LRRIQ1: variants seen among roughly 807,000 people sequenced by gnomAD.
LRRIQ1 encodes the protein leucine-rich repeat- and IQ domain-containing protein 1.
LRRIQ1 carries 210 observed loss-of-function variants against 211.9 expected under a neutral mutation model. The observed-to-expected ratio is 0.99, with a 90% confidence interval of 0.89 to 1.11. LRRIQ1 has a LOEUF of 1.11. Ranked by LOEUF, LRRIQ1 falls within the 50% of genes most tolerant of loss-of-function variation. LRRIQ1 has a pLI of 0.00. For missense variants in LRRIQ1, 2,136 were observed against 1,939.5 expected (o/e 1.10, Z -1.90); for synonymous variants, 699 against 650.1 (o/e 1.08, Z -1.14).
At chr12:85,122,575 A>G (rs552677049) in intron 16 of LRRIQ1, among the ~76,000 whole-genome samples, 1 of 152,268 alleles carries the variant, frequency 6.6e-6, no homozygotes, top group East Asian at 1.9e-4. Context: ...CTTCATTGCA[A>G]TTGGAAAAAT....
Position 85,055,924 on chromosome 12 carries a change from A to G in LRRIQ1, c.1131A>G (p.Gln377=). Residue 377 remains glutamine (Q), a synonymous_variant, in exon 8 of 27, where the codon CAA becomes CAG. Transcript: ENST00000393217. The stretch of plus-strand genomic sequence containing the variant: ...ATATTGTGAAACAGGAAAGAGAGCA[A>G]CTAATAAGCAAGGAAAAAATAATAT... The part of the protein sequence containing the change: ...KKNIVKQERE[Q]LISKEKIILR... 1 of 1,605,406 alleles carries G rather than the reference A, an allele frequency of 6.2e-7. No homozygotes were observed. Among genetic ancestry groups the G allele is most frequent in the South Asian group, 1.1e-5 (1 of 88,484 alleles).
At chr12:85,195,802 C>G (rs372862877) in intron 24 of LRRIQ1, among the ~76,000 whole-genome samples, 1 of 152,094 alleles carries the variant, frequency 6.6e-6, no homozygotes, top group Non-Finnish European at 1.5e-5. Context: ...TCCTATTCAA[C>G]GTAGTGTTGG....
intron 23 of LRRIQ1, among the ~76,000 whole-genome samples, chr12:85,157,329 A>C (rs551566485): frequency 2.4e-4 from 36 of 151,850 alleles, no homozygotes; most frequent in Non-Finnish European, 4.4e-4. Context: ...TGAAAGCTAC[A>C]CGGTAAAATC....
At position 85,250,930 on chromosome 12, in the gene LRRIQ1, T is replaced by G. The variant is rs1364935018; in HGVS notation, c.121+6021T>G. Among the ~76,000 whole-genome samples the G allele has an allele frequency of 1.8e-3, 197 of 107,272 alleles. 18 individuals carry two copies. The highest frequency in any genetic ancestry group is 7.3e-3 in the African/African-American group (188 of 25,926). The allele number at this position is 107,272 out of a possible 152,430, so 70.4% of individuals were successfully genotyped here. The stretch of plus-strand genomic sequence containing the variant: ...TATATAATATATTTTATATATTATA[T>G]ATTATATATAATATATTTTATATAT... On this transcript the variant is annotated intron_variant, in intron 1 of 1. Transcript: ENST00000602731.
chr12:85,171,897 T>G (rs537155053), intron 24 of LRRIQ1, among the ~76,000 whole-genome samples: 93 of 152,200 alleles, frequency 6.1e-4, no homozygotes, highest in Middle Eastern at 3.4e-3. Context: ...TGTGAGCAAA[T>G]AAATTTCTGT....
At chr12:85,246,734 T>G (rs1444936640), downstream of LRRIQ1, among the ~76,000 whole-genome samples, 1 of 151,546 alleles carries the variant, frequency 6.6e-6, no homozygotes, top group Non-Finnish European at 1.5e-5. Context: ...TACTAATCTC[T>G]GAATGTGTTA....
At chr12:85,091,391 T>C (rs1885374983) in intron 11 of LRRIQ1, among the ~76,000 whole-genome samples, 1 of 152,204 alleles carries the variant, frequency 6.6e-6, no homozygotes, top group Non-Finnish European at 1.5e-5. Context: ...AGATTCTGTA[T>C]TTTAGACCTT....
Position 85,207,577 on chromosome 12 carries a change from G to T in LRRIQ1, c.4823-21940G>T, listed in dbSNP as rs533409904. ...TTTCATGGATTGTGCCCTTGATGTT[G>T]TATCTAAAAAGTTATCACCAAACCC... On this transcript the variant is annotated intron_variant, in intron 24 of 26. Transcript: ENST00000393217. 1.6e-4 allele frequency among the ~76,000 whole-genome samples: 25 copies of T among 152,074 alleles called. No homozygotes were observed. In the South Asian group the frequency reaches 2.9e-3, roughly 18 times the overall value.
At chr12:85,124,681 G>A in intron 17 of LRRIQ1, 162 bp downstream of exon 17, 2 of 599,316 alleles carry the variant, frequency 3.3e-6, no homozygotes, top group Non-Finnish European at 5.8e-6. Flanking sequence ...GTTTTCATGA[G>A]GTGCACAAAT....
At chr12:85,097,495 G>A (rs1885988865) in intron 11 of LRRIQ1, among the ~76,000 whole-genome samples, 1 of 150,444 alleles carries the variant, frequency 6.6e-6, no homozygotes, top group African/African-American at 2.5e-5. Context: ...ACCTATGAGT[G>A]AGAACATGCG....
chr12:85,237,835 A>T (rs1895263347), intron 26 of LRRIQ1, among the ~76,000 whole-genome samples: 1 of 152,160 alleles, frequency 6.6e-6, no homozygotes, highest in Non-Finnish European at 1.5e-5. Context: ...AGTTTAAAGG[A>T]TGCTAACAAA....
intron 24 of LRRIQ1, among the ~76,000 whole-genome samples, chr12:85,197,441 A>G (rs1363772626): frequency 6.6e-6 from 1 of 151,336 alleles, no homozygotes; most frequent in Non-Finnish European, 1.5e-5. Flanking sequence ...ATGTCCAACA[A>G]TGATAGACTG....
intron 24 of LRRIQ1, among the ~76,000 whole-genome samples, chr12:85,194,653 C>T (rs1241953267): frequency 1.3e-5 from 2 of 151,996 alleles, no homozygotes; most frequent in East Asian, 1.9e-4. Flanking sequence ...ATACCAGAAT[C>T]TCTGGGATGA....
intron 3 of LRRIQ1, among the ~76,000 whole-genome samples, chr12:85,043,808 G>A (rs1317997637): frequency 6.6e-6 from 1 of 152,026 alleles, no homozygotes; most frequent in East Asian, 1.9e-4. Context: ...TACTTAAGAA[G>A]TTCAGAGACA....
intron 1 of LRRIQ1, among the ~76,000 whole-genome samples, chr12:85,250,309 T>A (rs1193497719): frequency 4.6e-5 from 7 of 151,884 alleles, no homozygotes; most frequent in Non-Finnish European, 1.0e-4. Flanking sequence ...CCCTGGCATT[T>A]ATAAGCCTTA....
intron 23 of LRRIQ1, chr12:85,159,529 G>A (rs1592902891): frequency 6.6e-6 from 1 of 152,002 alleles, no homozygotes; most frequent in African/African-American, 2.4e-5. Flanking sequence ...GACAGAGGAA[G>A]AGACAGAAGG....
intron 24 of LRRIQ1, among the ~76,000 whole-genome samples, chr12:85,181,656 T>C (rs1040803260): frequency 2.6e-5 from 4 of 152,024 alleles, no homozygotes; most frequent in Admixed American, 1.3e-4. Flanking sequence ...AGTGTCAGTT[T>C]CTCAGAATTG....
At position 85,215,617 on chromosome 12, in the gene LRRIQ1, A is replaced by G. The variant is rs188538036; in HGVS notation, c.4823-13900A>G. 1.5e-4 allele frequency among the ~76,000 whole-genome samples: 23 copies of G among 152,080 alleles called. No homozygotes were observed. The East Asian group carries it at 3.7e-3, about 24-fold the overall frequency. ...AAACATTATCGGGTTTTCTGTTTCT[A>G]TGTTAGTTTGCTAAGGATAATGGCC... On this transcript the variant is annotated intron_variant, in intron 24 of 26. Transcript: ENST00000393217.
chr12:85,198,591 A>T (rs1419806949), intron 24 of LRRIQ1, among the ~76,000 whole-genome samples: 1 of 149,484 alleles, frequency 6.7e-6, no homozygotes, highest in African/African-American at 2.5e-5. Context: ...TTTTTGAGAC[A>T]GAGTCTCGCT....
Sources: gnomAD v4.1 joint callset for allele counts (sites outside exome capture counted in the v4.1 genomes callset) on GRCh38, gnomAD v4.1.1 for gene constraint, MANE v1.5 for transcripts, NCBI Gene and HGNC (gene_info 2026-07-23, HGNC 2026-07-21) for gene names.